Variants in GABRG3 observed in about 807,000 individuals in gnomAD.
GABRG3 encodes the protein gamma-aminobutyric acid type A receptor subunit gamma3.
A neutral mutation model predicts 48.8 loss-of-function variants in GABRG3; 25 were observed. The observed-to-expected ratio is 0.51, with a 90% CI of 0.37 to 0.72. The LOEUF (loss-of-function observed/expected upper bound fraction) is 0.72, where lower values mean the gene tolerates loss of function less well. Among genes scored for constraint, GABRG3 ranks in the 30% least tolerant of loss-of-function variants. GABRG3 has a pLI of 0.00. For synonymous variants in GABRG3, 227 were observed against 217.6 expected, an observed-to-expected ratio of 1.04 and a Z score of -0.38; for missense variants, 394 against 577.9, an observed-to-expected ratio of 0.68 and a Z score of 3.26.
intron 3 of GABRG3, among the ~76,000 whole-genome samples, chr15:27,250,670 G>A (rs1017170405): frequency 8.5e-5 from 13 of 152,262 alleles, no homozygotes; most frequent in Admixed American, 5.9e-4. Flanking sequence ...CAAGTGATCC[G>A]CCCACCTTGG....
In GABRG3 at chr15:27,533,908, G is replaced by A. The variant is rs1043669182; in HGVS notation, c.*1027G>A. The A allele has an allele frequency of 6.6e-6, 1 of 152,124 alleles. No homozygotes were observed. Among genetic ancestry groups the A allele is most frequent in the East Asian group, 1.9e-4 (1 of 5,190 alleles). The allele number at this position is 152,124 out of a possible 1,614,324, so 9.4% of individuals were successfully genotyped here. A position where few individuals can be genotyped will look rare whatever the true frequency, so the allele number is the denominator to read the frequency against. On this transcript the variant is annotated 3_prime_UTR_variant, in exon 10 of 10. Coordinates refer to ENST00000615808, the MANE Select transcript of GABRG3 (RefSeq NM_033223.5). Reference sequence around the variant, plus strand: ...GCTGGAGTGCAGTGGCACAATCTTAGCTCACTGCAACCTCTGCCTCCCATG... The same window carrying A: ...GCTGGAGTGCAGTGGCACAATCTTAACTCACTGCAACCTCTGCCTCCCATG...
At chr15:27,527,283 C>T in intron 7 of GABRG3, 150 bp from the exon 8 acceptor site, 1 of 592,152 alleles carries the variant, frequency 1.7e-6, no homozygotes, top group Non-Finnish European at 2.9e-6. Context: ...ATTGTATGGA[C>T]ATTAAAATTC....
chr15:27,139,320 T>C (rs1370936902), intron 3 of GABRG3, among the ~76,000 whole-genome samples: 1 of 152,160 alleles, frequency 6.6e-6, no homozygotes, highest in African/African-American at 2.4e-5. Flanking sequence ...CCAGAGAACC[T>C]GGCATTCTAA....
chr15:27,229,498 A>AG (rs1889732328), intron 3 of GABRG3, among the ~76,000 whole-genome samples: 1 of 151,062 alleles, frequency 6.6e-6, no homozygotes, highest in African/African-American at 2.4e-5. Flanking sequence ...TTTTTTGAGA[A>AG]GGGGGTCTCA....
At chr15:27,506,066 T>C (rs4778146) in intron 6 of GABRG3, among the ~76,000 whole-genome samples, 1 of 151,970 alleles carries the variant, frequency 6.6e-6, no homozygotes, top group Non-Finnish European at 1.5e-5. Context: ...TTCCCTTACC[T>C]TCCCGTAATG....
At chr15:26,979,310 C>T (rs144323884) in intron 2 of GABRG3, among the ~76,000 whole-genome samples, 1 of 152,262 alleles carries the variant, frequency 6.6e-6, no homozygotes, top group East Asian at 1.9e-4. Context: ...TTCATTCTTG[C>T]TCTCCAATCT....
At chr15:26,992,394 G>C (rs966706979) in intron 2 of GABRG3, among the ~76,000 whole-genome samples, 2 of 152,120 alleles carry the variant, frequency 1.3e-5, no homozygotes, top group South Asian at 4.2e-4. Context: ...ATTGTGTTGA[G>C]ATATGTTCCT....
intron 3 of GABRG3, among the ~76,000 whole-genome samples, chr15:27,064,087 G>A (rs190544594): frequency 2.0e-5 from 3 of 152,142 alleles, no homozygotes; most frequent in Admixed American, 2.0e-4. Flanking sequence ...GATCCCTTGA[G>A]TTTGGAGAGA....
chr15:27,446,666 A>G, intron 5 of GABRG3, among the ~76,000 whole-genome samples: 1 of 152,052 alleles, frequency 6.6e-6, no homozygotes, highest in Non-Finnish European at 1.5e-5. Context: ...TTGTTTTCTT[A>G]ATTTTATTTT....
rs375063756 is a variant in GABRG3 at position 27,408,397 on chromosome 15, G to A, written c.575-72253G>A. ...GAAAATTAATGAAAAGCCAGTGATC[G>A]TGCAGCTATTTGTTTGCTGAGCTAC... On this transcript the variant is annotated intron_variant, in intron 5 of 9. Coordinates refer to ENST00000615808, the MANE Select transcript of GABRG3 (RefSeq NM_033223.5). 2.6e-4 allele frequency among the ~76,000 whole-genome samples: 39 copies of A among 152,270 alleles called. No homozygotes were observed. The South Asian group carries it at 7.7e-3, about 30-fold the overall frequency.
intron 5 of GABRG3, among the ~76,000 whole-genome samples, chr15:27,456,826 C>G (rs546509920): frequency 3.3e-5 from 5 of 152,170 alleles, no homozygotes; most frequent in African/African-American, 1.2e-4. Context: ...GCTTGCTGCC[C>G]GTGCCAGGAG....
At chr15:27,519,311 C>G (rs1325575349) in intron 6 of GABRG3, among the ~76,000 whole-genome samples, 2 of 152,120 alleles carry the variant, frequency 1.3e-5, no homozygotes, top group African/African-American at 2.4e-5. Flanking sequence ...TATGGAATCT[C>G]TAGTCACATC....
chr15:27,305,369 A>G (rs1892363469), intron 3 of GABRG3, among the ~76,000 whole-genome samples: 1 of 151,366 alleles, frequency 6.6e-6, no homozygotes, highest in African/African-American at 2.4e-5. Flanking sequence ...TATTTGAAAA[A>G]TAAAGAAATA....
chr15:26,991,050 G>A (rs987361200), intron 2 of GABRG3, among the ~76,000 whole-genome samples: 2 of 152,022 alleles, frequency 1.3e-5, no homozygotes, highest in African/African-American at 2.4e-5. Context: ...TGATCCACTC[G>A]CCTTGGCCTC....
chr15:27,243,128 A>G (rs1056254522), intron 3 of GABRG3, among the ~76,000 whole-genome samples: 1 of 152,176 alleles, frequency 6.6e-6, no homozygotes, highest in African/African-American at 2.4e-5. Context: ...CTTCACAAAT[A>G]TCTTCTGCCT....
chr15:27,090,638 GTCTT>G (rs762852619), intron 3 of GABRG3, among the ~76,000 whole-genome samples: 20 of 152,010 alleles, frequency 1.3e-4, no homozygotes, highest in African/African-American at 1.9e-4. Flanking sequence ...AATCTAGGAT[GTCTT>G]TCTATTTATT....
intron 3 of GABRG3, among the ~76,000 whole-genome samples, chr15:27,189,206 T>C (rs1282833930): frequency 6.6e-6 from 1 of 151,532 alleles, no homozygotes; most frequent in Admixed American, 6.6e-5. Context: ...GACTTGGCGA[T>C]GCGGGCTCTT....
rs1038360266 is a variant in GABRG3, at chr15:27,236,881, A to G, written c.271-89928A>G. The stretch of plus-strand genomic sequence containing the variant: ...CTCCAATAGCTTATTGAATATACGT[A>G]TCCATCCCCCCACTCAGCAGACATT... On this transcript the variant is annotated intron_variant, in intron 3 of 9. Transcript: ENST00000615808. The surrounding 1 kb of genome is among the most constrained non-coding windows in gnomAD (Gnocchi z 4.4). 1.3e-5 allele frequency among the ~76,000 whole-genome samples: 2 copies of G among 152,164 alleles called. No homozygotes were observed. The highest frequency in any genetic ancestry group is 4.8e-5 in the African/African-American group (2 of 41,450).
intron 3 of GABRG3, among the ~76,000 whole-genome samples, chr15:27,223,872 A>G (rs1203793326): frequency 1.3e-5 from 2 of 152,178 alleles, no homozygotes; most frequent in African/African-American, 4.8e-5. Flanking sequence ...ACTTGCCTCT[A>G]CCATCTCTTC....
Sources: allele counts gnomAD v4.1 joint callset (sites outside exome capture counted in the v4.1 genomes callset), GRCh38; gene constraint gnomAD v4.1.1; non-coding constraint Gnocchi (gnomAD v3.1); transcripts MANE v1.5; gene names NCBI Gene and HGNC (gene_info 2026-07-23, HGNC 2026-07-21).